Variants in NPNT observed in about 807,000 individuals in gnomAD.
The protein encoded by NPNT is nephronectin.
NPNT carries 45 observed loss-of-function variants against 68.6 expected under a neutral mutation model. That is an observed-to-expected ratio of 0.66 (90% CI 0.52 to 0.84). The LOEUF (loss-of-function observed/expected upper bound fraction) is 0.84, where lower values mean the gene tolerates loss of function less well. Among genes scored for constraint, NPNT ranks in the 40% least tolerant of loss-of-function variants. The probability of loss-of-function intolerance (pLI) is 0.00; values close to 1 mark genes in which losing one functional copy is unlikely to be tolerated. For synonymous variants in NPNT, 233 were observed against 253.3 expected (o/e 0.92, Z 0.76); for missense variants, 672 against 714.8 (o/e 0.94, Z 0.68).
intron 2 of NPNT, among the ~76,000 whole-genome samples, chr4:105,914,278 G>T (rs866672778): frequency 6.9e-6 from 1 of 143,930 alleles, no homozygotes; most frequent in East Asian, 2.1e-4. Flanking sequence ...AATGCCTAGA[G>T]CTTCATTTTA....
At chr4:105,909,540 A>T (rs567585286) in intron 2 of NPNT, among the ~76,000 whole-genome samples, 21 of 152,276 alleles carry the variant, frequency 1.4e-4, no homozygotes, top group Non-Finnish European at 2.5e-4. Flanking sequence ...GAATTTTTTT[A>T]TATCTTTAAT....
At chr4:105,950,610 T>A (rs1323570990) in intron 8 of NPNT, among the ~76,000 whole-genome samples, 1 of 151,892 alleles carries the variant, frequency 6.6e-6, no homozygotes, top group East Asian at 1.9e-4. Flanking sequence ...GCTAATTTTT[T>A]TTGTAATTTT....
chr4:105,920,582 G>A (rs1034718021), intron 2 of NPNT, among the ~76,000 whole-genome samples: 26 of 151,720 alleles, frequency 1.7e-4, no homozygotes, highest in Admixed American at 2.0e-4. Flanking sequence ...TTTTTTAAGT[G>A]AAAAGGGATA....
chr4:105,898,346 C>G (rs937493112), intron 2 of NPNT, among the ~76,000 whole-genome samples: 3 of 140,796 alleles, frequency 2.1e-5, no homozygotes, highest in South Asian at 2.4e-4. Flanking sequence ...CTCTCTCTCT[C>G]TCTCTCTCTC....
At chr4:105,946,645 G>A (rs1730411638) in intron 8 of NPNT, among the ~76,000 whole-genome samples, 1 of 152,110 alleles carries the variant, frequency 6.6e-6, no homozygotes, top group Admixed American at 6.6e-5. Flanking sequence ...CAAAAGGGTA[G>A]GGGGTACAAG....
chr4:105,947,025 ACCT>A (rs972901585), intron 8 of NPNT, among the ~76,000 whole-genome samples: 12 of 151,966 alleles, frequency 7.9e-5, no homozygotes, highest in Non-Finnish European at 1.8e-4. Context: ...CTGTTTATAG[ACCT>A]CCACCAGGAA....
At chr4:105,908,172 A>C (rs924658041) in intron 2 of NPNT, among the ~76,000 whole-genome samples, 1 of 151,812 alleles carries the variant, frequency 6.6e-6, no homozygotes, top group African/African-American at 2.4e-5. Flanking sequence ...TTTTATTAGG[A>C]GACTTCATTT....
chr4:105,898,312 GTCTCTCTCTCTCTCTGTCTCTC>G (rs1726069561), intron 2 of NPNT, among the ~76,000 whole-genome samples: 23 of 39,232 alleles, frequency 5.9e-4, no homozygotes, highest in Admixed American at 1.4e-3. Flanking sequence ...CTCTCTCTCT[GTCTCTCTCTCTCTCTGTCTCTC>G]TCTCTCTCTC....
chr4:105,934,775 G>T (rs1729381643), intron 3 of NPNT, among the ~76,000 whole-genome samples: 1 of 151,238 alleles, frequency 6.6e-6, no homozygotes, highest in African/African-American at 2.4e-5. Flanking sequence ...ATTTTTTTTT[G>T]GACTCATGAC....
chr4:105,965,360 C>CAAA (rs367576063), intron 10 of NPNT, among the ~76,000 whole-genome samples: 3,061 of 71,706 alleles, frequency 0.043, 110 homozygotes, highest in African/African-American at 0.11. Context: ...TCTTCATGGC[C>CAAA]AAAAAAAAAA....
At chr4:105,940,315 G>T in intron 6 of NPNT, 106 bp downstream of exon 6, 1 of 1,231,796 alleles carries the variant, frequency 8.1e-7, no homozygotes, top group Non-Finnish European at 1.2e-6. Flanking sequence ...GAGTACTGGC[G>T]TTAAGTTAAA....
chr4:105,928,178 C>T (rs890472542), intron 3 of NPNT, among the ~76,000 whole-genome samples: 1 of 151,292 alleles, frequency 6.6e-6, no homozygotes, highest in Non-Finnish European at 1.5e-5. Context: ...GCTAGCATGT[C>T]AACTTAGAGC....
At chr4:105,898,365 TCTCTCTCTCTCTCTCG>T (rs1726114069) in intron 2 of NPNT, among the ~76,000 whole-genome samples, 3 of 142,882 alleles carry the variant, frequency 2.1e-5, no homozygotes, top group African/African-American at 5.8e-5. Flanking sequence ...TCTCTCTCTC[TCTCTCTCTCTCTCTCG>T]CTGACTCGCT....
intron 8 of NPNT, 42 bp downstream of exon 8, chr4:105,942,744 A>G (rs988806938): frequency 1.4e-5 from 22 of 1,537,824 alleles, no homozygotes; most frequent in Non-Finnish European, 1.8e-5. Flanking sequence ...TAGGCTCTTT[A>G]TAATGACTTT....
chr4:105,938,370 A>G lies in NPNT; in HGVS notation c.455A>G (p.Gln152Arg), dbSNP rs770639497. The change falls in exon 5 of 12, where the codon CAG becomes CGG. Residue 152 changes from glutamine (Q) to arginine (R), a missense_variant. Gln to Arg is a conservative substitution (Grantham distance 43). Transcript: ENST00000379987. The stretch of plus-strand genomic sequence containing the variant: ...GTTGTTAAAGGACAAATACGGTGCC[A>G]GTGCCCATCCCCTGGCCTGCAGCTG... Reference protein sequence around the residue: ...CDVVKGQIRCQCPSPGLQLAP... With the variant: ...CDVVKGQIRCRCPSPGLQLAP... 11 of 1,613,644 alleles carry G rather than the reference A, an allele frequency of 6.8e-6. No individual in the cohort carries two copies. The highest frequency in any genetic ancestry group is 1.3e-5 in the African/African-American group (1 of 74,910).
intron 8 of NPNT, among the ~76,000 whole-genome samples, chr4:105,945,154 T>C (rs1287621271): frequency 7.0e-6 from 1 of 142,484 alleles, no homozygotes; most frequent in Non-Finnish European, 1.5e-5. Context: ...TATTTTTAAA[T>C]TGATTTTTAA....
chr4:105,929,706 T>A (rs1325695136), intron 3 of NPNT: 1 of 151,900 alleles, frequency 6.6e-6, no homozygotes, highest in Admixed American at 6.5e-5. Context: ...TGTCCAAATG[T>A]GAGGATATAA....
chr4:105,910,864 T>C (rs965218079), intron 2 of NPNT, among the ~76,000 whole-genome samples: 1 of 152,172 alleles, frequency 6.6e-6, no homozygotes. Flanking sequence ...ACTGTTTGGC[T>C]ATTTGGTACT....
chr4:105,965,929 C>T (rs1461987927), intron 10 of NPNT, among the ~76,000 whole-genome samples: 2 of 152,134 alleles, frequency 1.3e-5, no homozygotes, highest in Non-Finnish European at 2.9e-5. Flanking sequence ...TGTTCACAAC[C>T]TGCTGGGGAG....
Sources: gnomAD v4.1 joint callset for allele counts (sites outside exome capture counted in the v4.1 genomes callset) on GRCh38, gnomAD v4.1.1 for gene constraint, MANE v1.5 for transcripts, NCBI Gene and HGNC (gene_info 2026-07-23, HGNC 2026-07-21) for gene names.